RELL1: variants seen among roughly 807,000 people sequenced by gnomAD.
RELL1 encodes RELT like 1.
A neutral mutation model predicts 23.0 loss-of-function variants in RELL1; 10 were observed. The ratio of observed to expected loss-of-function variants is 0.43; its 90% confidence interval spans 0.27 to 0.74. The LOEUF (loss-of-function observed/expected upper bound fraction) is 0.74, where lower values mean the gene tolerates loss of function less well. Among genes scored for constraint, RELL1 ranks in the 30% least tolerant of loss-of-function variants. The pLI is 0.19. For synonymous variants in RELL1, 146 were observed against 146.8 expected, an observed-to-expected ratio of 0.99 and a Z score of 0.04; for missense variants, 315 against 364.4, an observed-to-expected ratio of 0.86 and a Z score of 1.10.
chr4:37,605,857 G>GAA (rs1322519703), downstream of RELL1, among the ~76,000 whole-genome samples: 171 of 122,038 alleles, frequency 1.4e-3, 1 homozygote, highest in Non-Finnish European at 2.6e-3. Context: ...GAAAAGAAAA[G>GAA]AAAAGAAAGA....
At chr4:37,632,099 A>C (rs1190807706) in intron 5 of RELL1, among the ~76,000 whole-genome samples, 2 of 150,508 alleles carry the variant, frequency 1.3e-5, no homozygotes, top group East Asian at 1.9e-4. Flanking sequence ...AAAAAAAAAA[A>C]AAAAAAAAAA....
At chr4:37,604,854 C>CACACACACAG (rs1560323818) in intron 6 of RELL1, among the ~76,000 whole-genome samples, 34 of 59,704 alleles carry the variant, frequency 5.7e-4, no homozygotes, top group South Asian at 1.4e-3. Flanking sequence ...CACACACAGA[C>CACACACACAG]ACACACACAC....
intron 6 of RELL1, among the ~76,000 whole-genome samples, chr4:37,625,599 A>G (rs747235732): frequency 6.6e-6 from 1 of 152,218 alleles, no homozygotes; most frequent in Non-Finnish European, 1.5e-5. Context: ...TAAAATTTCA[A>G]TTAGGAGGAA....
downstream of RELL1, among the ~76,000 whole-genome samples, chr4:37,608,803 G>T (rs1002764690): frequency 1.2e-4 from 19 of 152,166 alleles, 1 homozygote; most frequent in Admixed American, 1.2e-3. Context: ...GCTAGTTTTT[G>T]TATTTTTAGT....
intron 6 of RELL1, among the ~76,000 whole-genome samples, chr4:37,595,337 G>A (rs1718795335): frequency 6.6e-6 from 1 of 152,178 alleles, no homozygotes; most frequent in African/African-American, 2.4e-5. Flanking sequence ...CGTAGATGAT[G>A]CTTACCTGCA....
intron 6 of RELL1, among the ~76,000 whole-genome samples, chr4:37,620,916 G>A (rs766968634): frequency 2.0e-5 from 3 of 152,142 alleles, no homozygotes; most frequent in Non-Finnish European, 2.9e-5. Flanking sequence ...GTATCCCTAC[G>A]AAGTAGTAGT....
chr4:37,604,798 G>C (rs181778758), intron 6 of RELL1, among the ~76,000 whole-genome samples: 69 of 116,276 alleles, frequency 5.9e-4, no homozygotes, highest in East Asian at 1.4e-3. Context: ...CACACACACA[G>C]ACACACACAC....
chr4:37,616,017 A>G (rs1222220643), intron 6 of RELL1, among the ~76,000 whole-genome samples: 2 of 152,204 alleles, frequency 1.3e-5, no homozygotes, highest in Non-Finnish European at 2.9e-5. Context: ...AATTAGAAAC[A>G]TGTTATAAGA....
chr4:37,626,013 C>A (rs1719924504), intron 6 of RELL1, among the ~76,000 whole-genome samples: 2 of 151,936 alleles, frequency 1.3e-5, no homozygotes, highest in Non-Finnish European at 1.5e-5. Flanking sequence ...TACTAATCAT[C>A]ATGGAAATAT....
chr4:37,599,946 G>A (rs899091703), intron 6 of RELL1, among the ~76,000 whole-genome samples: 30 of 152,208 alleles, frequency 2.0e-4, no homozygotes, highest in Non-Finnish European at 2.9e-4. Flanking sequence ...TGCTTAGCAC[G>A]TACCCAGCAC....
intron 6 of RELL1, among the ~76,000 whole-genome samples, chr4:37,601,399 A>G (rs1719012613): frequency 6.6e-6 from 1 of 152,232 alleles, no homozygotes; most frequent in South Asian, 2.1e-4. Flanking sequence ...TGCATTACAC[A>G]TCTGAGCTCA....
intron 3 of RELL1, among the ~76,000 whole-genome samples, chr4:37,642,880 G>A (rs187659556): frequency 6.2e-4 from 95 of 152,346 alleles, no homozygotes; most frequent in Admixed American, 6.1e-3. Flanking sequence ...ACAGGTGCAG[G>A]TGCCGGGAGG....
chr4:37,654,499 A>T (rs1216116171), intron 1 of RELL1, among the ~76,000 whole-genome samples: 1 of 152,264 alleles, frequency 6.6e-6, no homozygotes, highest in African/African-American at 2.4e-5. Context: ...CATAATGTCT[A>T]AAACATTTAT....
intron 6 of RELL1, among the ~76,000 whole-genome samples, chr4:37,602,853 G>A (rs1719051285): frequency 6.6e-6 from 1 of 152,142 alleles, no homozygotes; most frequent in African/African-American, 2.4e-5. Context: ...ACAGCATTCA[G>A]CGCGCGGGGT....
intron 1 of RELL1, among the ~76,000 whole-genome samples, chr4:37,682,785 C>T (rs1451587932): frequency 2.0e-5 from 3 of 152,178 alleles, no homozygotes; most frequent in African/African-American, 4.8e-5. Context: ...TCTTTAGTTT[C>T]TAAAAAGGAG....
intron 6 of RELL1, among the ~76,000 whole-genome samples, chr4:37,622,668 G>A (rs1719807127): frequency 6.6e-6 from 1 of 152,112 alleles, no homozygotes; most frequent in African/African-American, 2.4e-5. Flanking sequence ...GGGAGGTGCA[G>A]GGGAGAAAAG....
At chr4:37,655,931 T>C (rs1222885638) in intron 1 of RELL1, among the ~76,000 whole-genome samples, 2 of 152,256 alleles carry the variant, frequency 1.3e-5, no homozygotes, top group Non-Finnish European at 2.9e-5. Context: ...GCTGCTATGC[T>C]GGATAGTATT....
intron 6 of RELL1, among the ~76,000 whole-genome samples, chr4:37,625,588 A>C (rs1446064321): frequency 6.6e-6 from 1 of 152,222 alleles, no homozygotes; most frequent in Non-Finnish European, 1.5e-5. Context: ...GTCAAAGGAC[A>C]TAAAATTTCA....
intron 1 of RELL1, among the ~76,000 whole-genome samples, chr4:37,675,631 T>C (rs1295275237): frequency 6.6e-6 from 1 of 152,214 alleles, no homozygotes; most frequent in Non-Finnish European, 1.5e-5. Flanking sequence ...CATGTATCCA[T>C]AGACTTGTGG....
Sources: allele counts gnomAD v4.1 joint callset (sites outside exome capture counted in the v4.1 genomes callset), GRCh38; gene constraint gnomAD v4.1.1; transcripts MANE v1.5; gene names NCBI Gene and HGNC (gene_info 2026-07-23, HGNC 2026-07-21).